Variants in ZNF44 observed in about 807,000 individuals in gnomAD.
ZNF44 encodes the protein zinc finger protein 44, also known as gonadotropin inducible transcription repressor-2.
ZNF44 carries 9 observed loss-of-function variants against 11.7 expected under a neutral mutation model. That is an observed-to-expected ratio of 0.77 (90% CI 0.46 to 1.35). ZNF44 has a LOEUF of 1.35. Among genes scored for constraint, ZNF44 ranks in the 40% most tolerant of loss-of-function variants. The pLI is 0.00. For missense variants in ZNF44, 696 were observed against 743.1 expected (o/e 0.94, Z 0.74); for synonymous variants, 224 against 242.7 (o/e 0.92, Z 0.72).
upstream of ZNF44, among the ~76,000 whole-genome samples, chr19:12,242,427 G>A (rs550985411): frequency 1.1e-4 from 16 of 150,846 alleles, no homozygotes; most frequent in South Asian, 2.1e-4. Flanking sequence ...GGAGAATAGC[G>A]TGAACCTGGG....
rs748028713 is a variant in ZNF44 at position 12,272,757 on chromosome 19, C to G, written c.1498G>C (p.Glu500Gln). Residue 500 changes from glutamate to glutamine, a missense_variant, in exon 4 of 4, where the codon GAA (glutamate) becomes CAA (glutamine). Physicochemically the swap from Glu to Gln is conservative, Grantham distance 29 (BLOSUM62 2). Transcript: ENST00000355684. ...ATTTGACACTCATAAGATTTTTCTT[C>G]ACTGTGAGTCCTTTCATGGCGACAA... ...YFCRHERTHS[E>Q]EKSYECQICG... 73 of 1,613,426 alleles carry G rather than the reference C, an allele frequency of 4.5e-5. No individual in the cohort carries two copies. In the South Asian group the frequency reaches 7.5e-4, roughly 17 times the overall value.
intron 3 of ZNF44, among the ~76,000 whole-genome samples, chr19:12,274,399 A>G (rs1967125233): frequency 6.6e-6 from 1 of 150,902 alleles, no homozygotes; most frequent in South Asian, 2.1e-4. Context: ...CAGCCTCCCA[A>G]GTAGCTGGGA....
At chr19:12,240,444 CA>C (rs56300338), upstream of ZNF44, among the ~76,000 whole-genome samples, 43,160 of 102,182 alleles carry the variant, frequency 0.42, 6,587 homozygotes, top group Admixed American at 0.49. Context: ...GATTCTATCT[CA>C]AAAAAAAAAA....
chr19:12,267,043 C>CTT (rs560631225), downstream of ZNF44, among the ~76,000 whole-genome samples: 2 of 139,794 alleles, frequency 1.4e-5, no homozygotes, highest in African/African-American at 2.6e-5. Context: ...TTTCTTTTTT[C>CTT]TTTTTTTTTT....
Position 12,272,674 on chromosome 19 carries a change from CGT to C in ZNF44, c.1579_1580del (p.Thr527GlyfsTer6). ...GCTTACATTCATATGGCTTCTCTGC[CGT>C]GTGAGTCCTTTCATGAGTTTTTAAG... ...SYLKTHERTH[T>X]AEKPYECKQC... On this transcript the variant is annotated frameshift_variant, in exon 4 of 4. Coordinates refer to ENST00000355684, the MANE Select transcript of ZNF44 (RefSeq NM_016264.4). LOFTEE classifies it low-confidence loss of function (END_TRUNC). 1 of 1,613,464 alleles carries C rather than the reference CGT, an allele frequency of 6.2e-7. No homozygotes were observed. The highest frequency in any genetic ancestry group is 1.1e-5 in the South Asian group (1 of 90,998).
At chr19:12,277,252 C>A (rs183291598) in intron 1 of ZNF44, among the ~76,000 whole-genome samples, 1 of 152,178 alleles carries the variant, frequency 6.6e-6, no homozygotes, top group East Asian at 1.9e-4. Flanking sequence ...GTGACTGGTT[C>A]CCTGTAGATC....
chr19:12,264,690 T>G (rs1050626866), intron 5 of ZNF44, among the ~76,000 whole-genome samples: 2 of 152,222 alleles, frequency 1.3e-5, no homozygotes, highest in Non-Finnish European at 2.9e-5. Context: ...AATCAATAGT[T>G]AATTATTATA....
In ZNF44 at chr19:12,284,539, T is replaced by G. The variant is rs1967641151; in HGVS notation, c.4-8457A>C. On this transcript the variant is annotated intron_variant, in intron 1 of 3. Coordinates refer to ENST00000355684, the MANE Select transcript of ZNF44 (RefSeq NM_016264.4). ...GTCAAGGACATGAAGATCTAGTCCC[T>G]GGAGGAGATCTATCTCTTCTCCCTG... The G allele has an allele frequency of 4.3e-6, 3 of 703,670 alleles. No individual in the cohort carries two copies. In the African/African-American group the frequency reaches 5.2e-5, roughly 12 times the overall value. 43.6% of individuals were successfully genotyped at this position (703,670 alleles called of 1,614,324 possible).
chr19:12,254,602 G>C (rs1917163455), intron 5 of ZNF44, among the ~76,000 whole-genome samples: 1 of 152,144 alleles, frequency 6.6e-6, no homozygotes, highest in African/African-American at 2.4e-5. Flanking sequence ...AAGAATGGTG[G>C]CATGCACCTG....
At chr19:12,240,134 T>C (rs1045176876), upstream of ZNF44, among the ~76,000 whole-genome samples, 3 of 152,030 alleles carry the variant, frequency 2.0e-5, no homozygotes, top group Admixed American at 6.6e-5. Context: ...ATGCAACCCC[T>C]ATCAAAATCC....
At chr19:12,229,098 TA>T (rs921862778) in intron 3 of ZNF44, among the ~76,000 whole-genome samples, 7 of 152,224 alleles carry the variant, frequency 4.6e-5, no homozygotes, top group African/African-American at 9.7e-5. Flanking sequence ...TTTAAGCACT[TA>T]TTTTTTTTGC....
At chr19:12,242,838 A>C (rs1039763521), downstream of ZNF44, 2 of 152,010 alleles carry the variant, frequency 1.3e-5, no homozygotes, top group Non-Finnish European at 2.9e-5. Context: ...TGACAGGGAG[A>C]CCCTGTCTGA....
intron 1 of ZNF44, among the ~76,000 whole-genome samples, chr19:12,288,771 A>AATTTATATATATATATAT (rs1967866703): frequency 2.6e-5 from 1 of 38,368 alleles, no homozygotes; most frequent in Non-Finnish European, 4.5e-5. Context: ...AAAAAAAAAA[A>AATTTATATATATATATAT]ATGTATATAT....
At chr19:12,276,792 C>A (rs1476933413) in intron 1 of ZNF44, among the ~76,000 whole-genome samples, 1 of 152,148 alleles carries the variant, frequency 6.6e-6, no homozygotes, top group Admixed American at 6.6e-5. Context: ...GATTAATCCA[C>A]TCATGTATGA....
intron 5 of ZNF44, among the ~76,000 whole-genome samples, chr19:12,253,174 C>A (rs1253602086): frequency 1.3e-5 from 2 of 149,778 alleles, no homozygotes; most frequent in African/African-American, 4.9e-5. Flanking sequence ...CAGGCGTAAG[C>A]CACTGCACCT....
intron 5 of ZNF44, among the ~76,000 whole-genome samples, chr19:12,266,498 C>T (rs1181160815): frequency 3.9e-5 from 6 of 152,194 alleles, no homozygotes; most frequent in Non-Finnish European, 8.8e-5. Flanking sequence ...ACTGTTGGCA[C>T]GGCCCCGCCC....
chr19:12,241,699 A>C (rs938510115), upstream of ZNF44, among the ~76,000 whole-genome samples: 11 of 152,152 alleles, frequency 7.2e-5, no homozygotes. Flanking sequence ...CGTTGCAATC[A>C]ATCAACCATG....
chr19:12,288,857 T>C (rs1441547901), intron 1 of ZNF44, among the ~76,000 whole-genome samples: 1 of 146,416 alleles, frequency 6.8e-6, no homozygotes, highest in Non-Finnish European at 1.5e-5. Context: ...TCTGGACAAG[T>C]AGCCCAGTGC....
intron 1 of ZNF44, among the ~76,000 whole-genome samples, chr19:12,279,631 T>C (rs1373316900): frequency 6.6e-6 from 1 of 152,038 alleles, no homozygotes; most frequent in Non-Finnish European, 1.5e-5. Flanking sequence ...CTTAAATATA[T>C]TTAACTTAGT....
Sources: allele counts gnomAD v4.1 joint callset (sites outside exome capture counted in the v4.1 genomes callset), GRCh38; gene constraint gnomAD v4.1.1; transcripts MANE v1.5; gene names NCBI Gene and HGNC (gene_info 2026-07-23, HGNC 2026-07-21).